The following ESRRB variants were observed in gnomAD, a reference collection of about 807,000 sequenced individuals.
The protein encoded by ESRRB is estrogen related receptor beta.
ESRRB carries 16 observed loss-of-function variants against 46.0 expected under a neutral mutation model. The observed-to-expected ratio is 0.35, with a 90% confidence interval of 0.24 to 0.53. The LOEUF is 0.53. Ranked by LOEUF, ESRRB falls within the 20% of genes least tolerant of loss-of-function variation. The probability of loss-of-function intolerance (pLI) is 0.93; values close to 1 mark genes in which losing one functional copy is unlikely to be tolerated. For missense variants in ESRRB, 488 were observed against 607.4 expected (o/e 0.80, Z 2.07); for synonymous variants, 246 against 259.6 (o/e 0.95, Z 0.50).
intron 1 of ESRRB, among the ~76,000 whole-genome samples, chr14:76,341,949 C>T (rs1884196410): frequency 6.6e-6 from 1 of 152,192 alleles, no homozygotes. Flanking sequence ...GGTACTCTGG[C>T]AAGAGTCCAC....
At position 76,498,361 on chromosome 14, in the gene ESRRB, C is replaced by T. The variant is rs1890516621; in HGVS notation, c.1268C>T (p.Thr423Met). ...LLLTLPLLRQTAAKAVQHFYS... is the reference protein window; with the variant it reads ...LLLTLPLLRQMAAKAVQHFYS... ...CTGACACTGCCGCTGCTGCGGCAGA[C>T]GGCCGCCAAGGCCGTGCAGCACTTC... Residue 423 changes from threonine to methionine, a missense_variant, in exon 7 of 7, where the codon ACG becomes ATG. Transcript: ENST00000644823. 3 of 1,612,408 alleles carry T rather than the reference C, an allele frequency of 1.9e-6. No homozygotes were observed. Among genetic ancestry groups the T allele is most frequent in the Non-Finnish European group, 2.5e-6 (3 of 1,179,608 alleles).
chr14:76,312,514 G>T (rs1212269803), intron 1 of ESRRB, among the ~76,000 whole-genome samples: 1 of 151,274 alleles, frequency 6.6e-6, no homozygotes, highest in Non-Finnish European at 1.5e-5. Context: ...ATTCAGTAGT[G>T]GAGAAATTCA....
At chr14:76,322,638 T>C (rs1378316439) in intron 1 of ESRRB, among the ~76,000 whole-genome samples, 2 of 151,594 alleles carry the variant, frequency 1.3e-5, no homozygotes, top group African/African-American at 2.4e-5. Flanking sequence ...CCACCACCAA[T>C]ATCATCTTAA....
chr14:76,466,158 T>C (rs189524313), intron 3 of ESRRB, among the ~76,000 whole-genome samples: 10 of 152,114 alleles, frequency 6.6e-5, no homozygotes, highest in African/African-American at 1.7e-4. Flanking sequence ...TAGGGTCCCA[T>C]AGTGGGCCTC....
At chr14:76,351,031 G>A (rs1040058551) in intron 1 of ESRRB, among the ~76,000 whole-genome samples, 3 of 152,196 alleles carry the variant, frequency 2.0e-5, no homozygotes, top group Non-Finnish European at 4.4e-5. Flanking sequence ...GGATGGTGAT[G>A]CTGAGACCAC....
intron 6 of ESRRB, among the ~76,000 whole-genome samples, chr14:76,495,990 G>A (rs1471421353): frequency 1.3e-5 from 2 of 152,200 alleles, no homozygotes; most frequent in African/African-American, 4.8e-5. Flanking sequence ...AGTGAGACCT[G>A]GGTTCAAATC....
chr14:76,314,542 CT>C (rs1883774805), intron 1 of ESRRB, among the ~76,000 whole-genome samples: 1 of 152,148 alleles, frequency 6.6e-6, no homozygotes, highest in Non-Finnish European at 1.5e-5. Context: ...AGGGCTCAGT[CT>C]TCCCCTTTAG....
chr14:76,396,155 G>C (rs1439662943), intron 1 of ESRRB, among the ~76,000 whole-genome samples: 1 of 151,754 alleles, frequency 6.6e-6, no homozygotes, highest in African/African-American at 2.4e-5. Context: ...CCTGGTGACA[G>C]AGTGAGACTC....
At chr14:76,377,568 T>G (rs1333131692) in intron 1 of ESRRB, among the ~76,000 whole-genome samples, 1 of 152,198 alleles carries the variant, frequency 6.6e-6, no homozygotes, top group East Asian at 1.9e-4. Flanking sequence ...TGCTTAACTT[T>G]GTGCTCGTCT....
At chr14:76,474,849 AC>A (rs1028822687) in intron 3 of ESRRB, among the ~76,000 whole-genome samples, 1 of 131,250 alleles carries the variant, frequency 7.6e-6, no homozygotes, top group Admixed American at 7.8e-5. Context: ...ACAAAACAAA[AC>A]AAACCATTAT....
At chr14:76,361,250 C>G (rs1317130422) in intron 1 of ESRRB, among the ~76,000 whole-genome samples, 1 of 152,184 alleles carries the variant, frequency 6.6e-6, no homozygotes, top group Non-Finnish European at 1.5e-5. Context: ...GCTTATCCAC[C>G]TGGACTGTTG....
At chr14:76,319,225 C>T (rs943021221) in intron 1 of ESRRB, among the ~76,000 whole-genome samples, 5 of 152,220 alleles carry the variant, frequency 3.3e-5, no homozygotes, top group African/African-American at 7.2e-5. Flanking sequence ...CTCTTCCCTG[C>T]GTAGCATAGC....
At chr14:76,475,368 C>CG (rs1395198708) in intron 3 of ESRRB, among the ~76,000 whole-genome samples, 2 of 119,516 alleles carry the variant, frequency 1.7e-5, no homozygotes, top group African/African-American at 3.2e-5. Flanking sequence ...GACCTTGCCT[C>CG]GAAAAAAAAA....
intron 1 of ESRRB, among the ~76,000 whole-genome samples, chr14:76,413,056 C>G (rs949714646): frequency 2.6e-5 from 4 of 152,104 alleles, no homozygotes; most frequent in South Asian, 2.1e-4. Context: ...GTCATTTTAC[C>G]TCTTGAAGCC....
At chr14:76,386,984 C>A (rs1002043345) in intron 1 of ESRRB, among the ~76,000 whole-genome samples, 1 of 152,094 alleles carries the variant, frequency 6.6e-6, no homozygotes, top group Non-Finnish European at 1.5e-5. Context: ...ACTGCCAGAA[C>A]CTGAGACCCC....
Position 76,462,654 on chromosome 14 carries a change from G to A in ESRRB, c.570G>A (p.Leu190=). 1.2e-6 allele frequency: 2 copies of A among 1,612,454 alleles called. No homozygotes were observed. The highest frequency in any genetic ancestry group is 1.7e-6 in the Non-Finnish European group (2 of 1,178,556). Residue 190 remains leucine, a synonymous_variant, in exon 3 of 7, where the codon CTG becomes CTA. Transcript: ENST00000644823. The stretch of plus-strand genomic sequence containing the variant: ...TGAAATGCCTCAAAGTGGGGATGCT[G>A]AAGGAAGGTAAGAGACCCCACCGAG... The part of the protein sequence containing the change: ...RFMKCLKVGM[L]KEGVRLDRVR...
chr14:76,491,413 C>T, intron 5 of ESRRB, 34 bp from the exon 6 acceptor site: 1 of 1,604,512 alleles, frequency 6.2e-7, no homozygotes, highest in Non-Finnish European at 8.5e-7. Context: ...CCCTCCTGAC[C>T]TGCTGCTGCC....
intron 5 of ESRRB, 116 bp from the exon 6 acceptor site, chr14:76,491,331 C>T: frequency 9.8e-7 from 1 of 1,023,110 alleles, no homozygotes; most frequent in Non-Finnish European, 1.4e-6. Flanking sequence ...CCAGGGGTGC[C>T]AGGGACACCC....
chr14:76,388,924 C>T (rs968845653), intron 1 of ESRRB, among the ~76,000 whole-genome samples: 1 of 152,212 alleles, frequency 6.6e-6, no homozygotes, highest in Admixed American at 6.5e-5. Flanking sequence ...CAGTGCCCTA[C>T]CTTGGTGCCC....
Sources: gnomAD v4.1 joint callset for allele counts (sites outside exome capture counted in the v4.1 genomes callset) on GRCh38, gnomAD v4.1.1 for gene constraint, MANE v1.5 for transcripts, NCBI Gene and HGNC (gene_info 2026-07-23, HGNC 2026-07-21) for gene names.